Variants in ATRNL1 observed in about 807,000 individuals in gnomAD.
ATRNL1 encodes attractin like 1.
A neutral mutation model predicts 182.7 loss-of-function variants in ATRNL1; 95 were observed. The ratio of observed to expected loss-of-function variants is 0.52; its 90% confidence interval spans 0.44 to 0.62. The LOEUF (loss-of-function observed/expected upper bound fraction) is 0.62. Among genes scored for constraint, ATRNL1 ranks in the 20% least tolerant of loss-of-function variants. The pLI is 0.00. For missense variants in ATRNL1, 1,471 were observed against 1,679.5 expected (o/e 0.88, Z 2.17); for synonymous variants, 576 against 568.3 (o/e 1.01, Z -0.19).
intron 26 of ATRNL1, among the ~76,000 whole-genome samples, chr10:115,687,485 AT>A (rs781837079): frequency 6.6e-6 from 1 of 152,088 alleles, no homozygotes; most frequent in Non-Finnish European, 1.5e-5. Flanking sequence ...CATTGTATGT[AT>A]ATACCACATT....
intron 26 of ATRNL1, among the ~76,000 whole-genome samples, chr10:115,567,433 G>A (rs1432808253): frequency 6.6e-6 from 1 of 152,020 alleles, no homozygotes; most frequent in Non-Finnish European, 1.5e-5. Context: ...ATTAGAGTTT[G>A]CCTAATGAAA....
Position 115,535,284 on chromosome 10 carries a change from T to G in ATRNL1, c.3717-14174T>G, listed in dbSNP as rs1851903091. On this transcript the variant is annotated intron_variant, in intron 25 of 28. Transcript: ENST00000355044. ...TGTGGTCTTTTCACATAATCCCATA[T>G]TTCTTGGAGGCTTTGTTCGTTTCTT... 2.0e-5 allele frequency among the ~76,000 whole-genome samples: 3 copies of G among 152,196 alleles called. No individual in the cohort carries two copies. The South Asian group carries it at 6.2e-4, about 32-fold the overall frequency.
At chr10:115,094,228 G>T (rs1243106911) in intron 1 of ATRNL1, among the ~76,000 whole-genome samples, 185 bp downstream of exon 1, 2 of 151,738 alleles carry the variant, frequency 1.3e-5, no homozygotes, top group Non-Finnish European at 2.9e-5. Context: ...CAGCCCCGGG[G>T]CGCCCCGGGA....
At chr10:115,723,823 G>A (rs2134051342) in intron 26 of ATRNL1, among the ~76,000 whole-genome samples, 1 of 152,246 alleles carries the variant, frequency 6.6e-6, no homozygotes, top group African/African-American at 2.4e-5. Context: ...CTCCCAAAGT[G>A]CTTACAGGCG....
intron 24 of ATRNL1, among the ~76,000 whole-genome samples, chr10:115,496,029 A>G (rs1318113364): frequency 6.6e-6 from 1 of 152,118 alleles, no homozygotes; most frequent in Non-Finnish European, 1.5e-5. Context: ...TCTATTTAGG[A>G]TAGTTAGTTG....
intron 26 of ATRNL1, among the ~76,000 whole-genome samples, chr10:115,726,103 G>A (rs1947588109): frequency 1.3e-5 from 2 of 151,742 alleles, no homozygotes; most frequent in Admixed American, 1.3e-4. Flanking sequence ...TGTCATGGCA[G>A]TTTATTATTT....
intron 24 of ATRNL1, among the ~76,000 whole-genome samples, chr10:115,496,939 C>G (rs550534630): frequency 7.2e-5 from 11 of 152,270 alleles, no homozygotes; most frequent in African/African-American, 2.6e-4. Flanking sequence ...TGTGGCCTCT[C>G]TAGCAAGGCT....
At chr10:115,581,580 AAT>A (rs1367581737) in intron 26 of ATRNL1, among the ~76,000 whole-genome samples, 12 of 152,158 alleles carry the variant, frequency 7.9e-5, no homozygotes, top group African/African-American at 2.9e-4. Flanking sequence ...TGTAAATTAA[AAT>A]ATATATGTGC....
At chr10:115,246,023 A>AGGCC (rs1554904011) in intron 10 of ATRNL1, among the ~76,000 whole-genome samples, 16 of 152,162 alleles carry the variant, frequency 1.1e-4, no homozygotes, top group Non-Finnish European at 1.9e-4. Context: ...TAGTAGTTTA[A>AGGCC]TCTTTTTTAA....
chr10:115,822,456 A>T (rs183071017), intron 27 of ATRNL1, among the ~76,000 whole-genome samples: 55 of 152,316 alleles, frequency 3.6e-4, no homozygotes, highest in African/African-American at 1.3e-3. Flanking sequence ...AGATAGAGAG[A>T]CGAAAAACCC....
chr10:115,716,370 A>G (rs1947252499), intron 26 of ATRNL1, among the ~76,000 whole-genome samples: 1 of 152,204 alleles, frequency 6.6e-6, no homozygotes, highest in South Asian at 2.1e-4. Context: ...TTAAAAGGAA[A>G]ATGCCAGTGT....
intron 5 of ATRNL1, among the ~76,000 whole-genome samples, chr10:115,155,183 A>G (rs1481680313): frequency 6.6e-6 from 1 of 150,588 alleles, no homozygotes; most frequent in African/African-American, 2.4e-5. Context: ...CAGCCTCTAT[A>G]TGTCTTTACA....
intron 19 of ATRNL1, among the ~76,000 whole-genome samples, chr10:115,364,770 G>A (rs1554945376): frequency 6.6e-6 from 1 of 151,838 alleles, no homozygotes; most frequent in Non-Finnish European, 1.5e-5. Flanking sequence ...TGCATCTATT[G>A]AGATAATAAT....
intron 9 of ATRNL1, among the ~76,000 whole-genome samples, chr10:115,227,390 G>A (rs7081737): frequency 0.034 from 5,171 of 152,102 alleles, 291 homozygotes; most frequent in African/African-American, 0.12. Flanking sequence ...TTTTTAAAAA[G>A]TAAAACAACA....
At chr10:115,302,066 T>C in intron 17 of ATRNL1, 23 bp downstream of exon 17, 2 of 1,561,784 alleles carry the variant, frequency 1.3e-6, no homozygotes, top group South Asian at 2.3e-5. Flanking sequence ...CTAGAGTGAC[T>C]TTTCACTTGA....
At position 115,879,162 on chromosome 10, in the gene ATRNL1, CTGGGCATGG is replaced by C. The variant is rs1555107909; in HGVS notation, c.4018+31174_4018+31182del. On this transcript the variant is annotated intron_variant, in intron 28 of 28. Transcript: ENST00000355044. ...CTAAAAATTACATTTAAAAAAATAG[CTGGGCATGG>C]TGATACATGCCTGTAGTCCCAGCTA... 2.0e-5 allele frequency among the ~76,000 whole-genome samples: 3 copies of C among 151,920 alleles called. No homozygotes were observed. The East Asian group carries it at 5.8e-4, about 29-fold the overall frequency.
intron 26 of ATRNL1, among the ~76,000 whole-genome samples, chr10:115,609,291 CA>C (rs1857032362): frequency 2.0e-5 from 3 of 152,076 alleles, no homozygotes; most frequent in Admixed American, 2.0e-4. Context: ...GAGTATTTGT[CA>C]GTGGAGTAGC....
chr10:115,474,460 T>C (rs67702987), intron 24 of ATRNL1, among the ~76,000 whole-genome samples: 63,021 of 151,076 alleles, frequency 0.42, 13,931 homozygotes, highest in Middle Eastern at 0.5. Context: ...GATGTTCAGC[T>C]TCATGGATCT....
At chr10:115,292,728 G>A (rs574931129) in intron 15 of ATRNL1, among the ~76,000 whole-genome samples, 3 of 152,010 alleles carry the variant, frequency 2.0e-5, no homozygotes, top group Non-Finnish European at 4.4e-5. Context: ...TAAGATAGTT[G>A]GTATGATTTT....
Sources: gnomAD v4.1 joint callset for allele counts (sites outside exome capture counted in the v4.1 genomes callset) on GRCh38, gnomAD v4.1.1 for gene constraint, MANE v1.5 for transcripts, NCBI Gene and HGNC (gene_info 2026-07-23, HGNC 2026-07-21) for gene names.